Variants in IL17RD observed in about 807,000 individuals in gnomAD.
The protein encoded by IL17RD is interleukin-17 receptor D.
Under a neutral mutation model 80.5 loss-of-function variants are expected in IL17RD, and 52 were observed. The observed-to-expected ratio is 0.65, with a 90% confidence interval of 0.52 to 0.81. The LOEUF (loss-of-function observed/expected upper bound fraction) is 0.81, where lower values mean the gene tolerates loss of function less well. Ranked by LOEUF, IL17RD falls within the 40% of genes least tolerant of loss-of-function variation. IL17RD has a pLI of 0.00. For synonymous variants in IL17RD, 416 were observed against 391.8 expected (o/e 1.06, Z -0.73); for missense variants, 1,024 against 955.1 (o/e 1.07, Z -0.95).
intron 12 of IL17RD, among the ~76,000 whole-genome samples, chr3:57,097,214 AT>A (rs989777348): frequency 2.1e-5 from 3 of 144,814 alleles, no homozygotes; most frequent in Admixed American, 6.8e-5. Flanking sequence ...TTTAAAGACA[AT>A]GGGGGCGGGG....
intron 1 of IL17RD, among the ~76,000 whole-genome samples, chr3:57,139,729 C>T (rs771152198): frequency 2.2e-4 from 33 of 152,016 alleles, no homozygotes; most frequent in Middle Eastern, 3.4e-3. Flanking sequence ...GCCAGGCTGG[C>T]CTTGAACTCC....
chr3:57,142,720 T>C (rs543156676), intron 1 of IL17RD, among the ~76,000 whole-genome samples: 7 of 152,096 alleles, frequency 4.6e-5, no homozygotes, highest in Non-Finnish European at 1.0e-4. Context: ...GAGGAGACTT[T>C]GAAGGCCAAA....
rs1179444708 is a variant in IL17RD, at chr3:57,094,200, T to C, written c.*2193A>G. On this transcript the variant is annotated 3_prime_UTR_variant, in exon 13 of 13. Coordinates refer to ENST00000296318, the MANE Select transcript of IL17RD (RefSeq NM_017563.5). Reference sequence around the variant, plus strand: ...AGGGCAACGATTCCCATTTCTAGCATACTGGGGAGAGTAGAAAAAGTGAAA... The same window carrying C: ...AGGGCAACGATTCCCATTTCTAGCACACTGGGGAGAGTAGAAAAAGTGAAA... The C allele has an allele frequency of 1.3e-5, 2 of 152,222 alleles. No individual in the cohort carries two copies. Among genetic ancestry groups the C allele is most frequent in the Non-Finnish European group, 2.9e-5 (2 of 68,030 alleles). The allele number at this position is 152,222 out of a possible 1,614,324, so 9.4% of individuals were successfully genotyped here.
rs111808871 is a variant in IL17RD, at chr3:57,142,475, G to A, written c.127-22162C>T. Reference sequence around the variant, plus strand: ...AACCTGCTCTCCACTGACAAACAACGCAGGAACACCTGAGGCAGAAGCGCG... The same window carrying A: ...AACCTGCTCTCCACTGACAAACAACACAGGAACACCTGAGGCAGAAGCGCG... On this transcript the variant is annotated intron_variant, in intron 1 of 12. Transcript: ENST00000296318. The A allele has an allele frequency of 4.6e-3, 5,856 of 1,283,920 alleles. 255 individuals carry two copies. In the East Asian group the frequency reaches 0.15, roughly 33 times the overall value. 79.5% of individuals were successfully genotyped at this position (1,283,920 alleles called of 1,614,324 possible).
intron 9 of IL17RD, among the ~76,000 whole-genome samples, chr3:57,102,811 A>T (rs1361940653): frequency 6.6e-6 from 1 of 152,180 alleles, no homozygotes; most frequent in African/African-American, 2.4e-5. Context: ...GACATAAAAT[A>T]CCTTTGAGTG....
chr3:57,103,038 A>T, intron 9 of IL17RD, 53 bp downstream of exon 9: 1 of 1,283,908 alleles, frequency 7.8e-7, no homozygotes, highest in Non-Finnish European at 1.1e-6. Flanking sequence ...AGAGTATCAC[A>T]TACCTTGGTC....
intron 1 of IL17RD, chr3:57,164,851 A>T: frequency 9.0e-7 from 1 of 1,116,740 alleles, no homozygotes; most frequent in Non-Finnish European, 1.1e-6. Flanking sequence ...CCAAGAACAA[A>T]GGGTGGGGCG....
At chr3:57,096,537 G>A (rs1038430447) in intron 12 of IL17RD, 32 bp from the exon 13 acceptor site, 1 of 1,424,252 alleles carries the variant, frequency 7.0e-7, no homozygotes, top group South Asian at 1.1e-5. Context: ...GAGTCACACT[G>A]TCATTGCATT....
At chr3:57,105,552 A>AAAAAAAAAATATATATATATAT in intron 7 of IL17RD, among the ~76,000 whole-genome samples, 2 of 63,590 alleles carry the variant, frequency 3.1e-5, no homozygotes, top group African/African-American at 1.9e-4. Context: ...AAAAAAAAAA[A>AAAAAAAAAATATATATATATAT]ATATATATAT....
chr3:57,159,969 C>T (rs1312740919), intron 1 of IL17RD, among the ~76,000 whole-genome samples: 1 of 152,116 alleles, frequency 6.6e-6, no homozygotes, highest in Non-Finnish European at 1.5e-5. Flanking sequence ...ATCAGGAGTT[C>T]GAGACCAGCC....
At chr3:57,108,975 C>T (rs970847919) in intron 5 of IL17RD, among the ~76,000 whole-genome samples, 2 of 152,100 alleles carry the variant, frequency 1.3e-5, no homozygotes, top group African/African-American at 2.4e-5. Flanking sequence ...GTGGTCACAG[C>T]ACCCTCAAAA....
Position 57,165,171 on chromosome 3 carries a change from C to T in IL17RD, c.116G>A (p.Cys39Tyr). ...GSGRARGADT[C>Y]GWRGVGPASR... ...CCGCCCTCGCCTTACCCTCCAGCCA[C>T]AGGTGTCGGCGCCCCGCGCGCGGCC... Residue 39 changes from cysteine (C) to tyrosine (Y), a missense_variant, in exon 1 of 13, where the codon TGT (cysteine) becomes TAT (tyrosine). Cys to Tyr is a radical substitution (Grantham distance 194). Transcript: ENST00000296318. 6.6e-7 allele frequency: 1 copy of T among 1,526,354 alleles called. No homozygotes were observed. The highest frequency in any genetic ancestry group is 1.2e-5 in the South Asian group (1 of 81,866). 94.6% of individuals were successfully genotyped at this position (1,526,354 alleles called of 1,614,324 possible). A position where few individuals can be genotyped will look rare whatever the true frequency, so the allele number is the denominator to read the frequency against.
At chr3:57,117,270 C>T (rs1354417226) in intron 2 of IL17RD, among the ~76,000 whole-genome samples, 4 of 152,042 alleles carry the variant, frequency 2.6e-5, no homozygotes, top group Admixed American at 6.6e-5. Flanking sequence ...CATGCCACCA[C>T]GCCCAGCTAA....
chr3:57,139,452 G>A (rs1317103465), intron 1 of IL17RD, among the ~76,000 whole-genome samples: 2 of 150,982 alleles, frequency 1.3e-5, no homozygotes, highest in Admixed American at 1.3e-4. Context: ...GTGAATTTGA[G>A]TGTGAATATT....
In IL17RD at chr3:57,165,345, G is replaced by T; in HGVS notation, c.-59C>A. The stretch of plus-strand genomic sequence containing the variant: ...CGCCCCGGCCGCCCGCCGCTGGCCA[G>T]CCCCGAGTGGGCGGTGGCCGCGGCG... On this transcript the variant is annotated 5_prime_UTR_variant, in exon 1 of 13. In the 5' UTR this introduces an upstream ATG that the reference lacks. Coordinates refer to ENST00000296318, the MANE Select transcript of IL17RD (RefSeq NM_017563.5). 8.2e-7 allele frequency: 1 copy of T among 1,220,992 alleles called. No homozygotes were observed. 75.6% of individuals were successfully genotyped at this position (1,220,992 alleles called of 1,614,324 possible).
At chr3:57,164,884 T>C in intron 1 of IL17RD, 1 of 1,191,496 alleles carries the variant, frequency 8.4e-7, no homozygotes, top group Non-Finnish European at 1.0e-6. Flanking sequence ...CCGCCGCCCC[T>C]CACGCCCGCC....
intron 1 of IL17RD, among the ~76,000 whole-genome samples, chr3:57,132,300 CA>C (rs201505308): frequency 2.9e-4 from 43 of 150,274 alleles, no homozygotes; most frequent in African/African-American, 8.1e-4. Context: ...GCTAATAATA[CA>C]AAAAAAAATT....
chr3:57,128,947 T>C (rs2107511798), intron 1 of IL17RD, among the ~76,000 whole-genome samples: 1 of 152,312 alleles, frequency 6.6e-6, no homozygotes, highest in Middle Eastern at 3.4e-3. Context: ...CCATGGCTGA[T>C]AATCACAAAT....
intron 1 of IL17RD, among the ~76,000 whole-genome samples, chr3:57,125,499 C>T (rs1382187783): frequency 6.6e-6 from 1 of 152,184 alleles, no homozygotes; most frequent in Non-Finnish European, 1.5e-5. Context: ...ATCTGACACA[C>T]AATAACCTCA....
Sources: allele counts gnomAD v4.1 joint callset (sites outside exome capture counted in the v4.1 genomes callset), GRCh38; gene constraint gnomAD v4.1.1; transcripts MANE v1.5; gene names NCBI Gene and HGNC (gene_info 2026-07-23, HGNC 2026-07-21).